Variants in APLP2 observed in about 807,000 individuals in gnomAD.
APLP2 encodes the protein amyloid beta precursor like protein 2, also known as CDEI box-binding protein.
A neutral mutation model predicts 89.9 loss-of-function variants in APLP2; 53 were observed. The ratio of observed to expected loss-of-function variants is 0.59; its 90% CI spans 0.47 to 0.74. The LOEUF (loss-of-function observed/expected upper bound fraction) is 0.74. Among genes scored for constraint, APLP2 ranks in the 30% least tolerant of loss-of-function variants. The pLI, the probability that APLP2 is intolerant of heterozygous loss-of-function variation, is 0.00. For synonymous variants in APLP2, 372 were observed against 348.6 expected (o/e 1.07, Z -0.75); for missense variants, 973 against 975.9 (o/e 1.00, Z 0.04).
At position 130,123,016 on chromosome 11, in the gene APLP2, A is replaced by G. The variant is rs1327001647; in HGVS notation, c.922+503A>G. Among the ~76,000 whole-genome samples the G allele has an allele frequency of 6.6e-6, 1 of 151,538 alleles. No individual in the cohort carries two copies. The highest frequency in any genetic ancestry group is 1.5e-5 in the Non-Finnish European group (1 of 67,926). ...AGTTTTTTTTTTTTCTCATCTTGCC[A>G]ATTAAAACACGAAAAGGTTGCAGTA... On this transcript the variant is annotated intron_variant, in intron 6 of 16. Coordinates refer to ENST00000338167, the MANE Select transcript of APLP2 (RefSeq NM_001142276.2). The surrounding 1 kb of genome is among the most constrained non-coding windows in gnomAD (Gnocchi z 4.0).
At chr11:130,104,583 T>G (rs1274894672) in intron 1 of APLP2, among the ~76,000 whole-genome samples, 1 of 152,138 alleles carries the variant, frequency 6.6e-6, no homozygotes, top group Non-Finnish European at 1.5e-5. Flanking sequence ...TTATACCTTT[T>G]AATGATTTGT....
At chr11:130,070,507 C>T (rs113105831) in intron 1 of APLP2, 56,137 of 1,219,144 alleles carry the variant, frequency 0.046, 1,461 homozygotes, top group Non-Finnish European at 0.052. Flanking sequence ...CCCGTACGCT[C>T]CCTCGCGCGG....
intron 16 of APLP2, 85 bp downstream of exon 16, chr11:130,142,159 C>A: frequency 1.4e-6 from 2 of 1,390,130 alleles, no homozygotes; most frequent in African/African-American, 2.8e-5. Flanking sequence ...GGCATCTTCA[C>A]TCCTCGAGTA....
chr11:130,092,722 A>AGGGGGGGG (rs796802846), intron 1 of APLP2, among the ~76,000 whole-genome samples: 2 of 99,012 alleles, frequency 2.0e-5, no homozygotes, highest in African/African-American at 8.2e-5. Context: ...GGGGAGGGGG[A>AGGGGGGGG]GGGAGAGGGA....
In APLP2 at chr11:130,107,747, G is replaced by A. The variant is rs1028660896; in HGVS notation, c.106-1682G>A. On this transcript the variant is annotated intron_variant, in intron 1 of 16. Coordinates refer to ENST00000338167, the MANE Select transcript of APLP2 (RefSeq NM_001142276.2). ...TTCATATGGAACCAAAAAAGAGCCC[G>A]CGTTGCCAAGTCAATCCTAAGCCAA... is the stretch of plus-strand genomic sequence containing the variant. Among the ~76,000 whole-genome samples the A allele has an allele frequency of 4.4e-4, 67 of 152,270 alleles. 1 individual carries two copies. The highest frequency in any genetic ancestry group is 6.3e-4 in the Non-Finnish European group (43 of 68,026).
Position 130,143,932 on chromosome 11 carries a change from T to G in APLP2, c.*484T>G, listed in dbSNP as rs1444000044. On this transcript the variant is annotated 3_prime_UTR_variant, in exon 17 of 17. Transcript: ENST00000338167. Reference sequence around the variant, plus strand: ...CTTTTTAAATGAGCTTTCAGGAAGTTGCTGAGAAATGGGGTGGAATAGGGA... The same window carrying G: ...CTTTTTAAATGAGCTTTCAGGAAGTGGCTGAGAAATGGGGTGGAATAGGGA... The G allele has an allele frequency of 6.4e-6, 1 of 155,838 alleles. No homozygotes were observed. The highest frequency in any genetic ancestry group is 1.4e-5 in the Non-Finnish European group (1 of 70,500). 9.7% of individuals were successfully genotyped at this position (155,838 alleles called of 1,614,324 possible).
chr11:130,089,267 A>G (rs766995266), intron 1 of APLP2, among the ~76,000 whole-genome samples: 3 of 152,052 alleles, frequency 2.0e-5, no homozygotes, highest in Admixed American at 1.3e-4. Context: ...TCTCCTTTCT[A>G]TACTTCATCT....
At chr11:130,133,209 A>AC (rs1565599008) in intron 11 of APLP2, among the ~76,000 whole-genome samples, 1 of 151,582 alleles carries the variant, frequency 6.6e-6, no homozygotes, top group Non-Finnish European at 1.5e-5. Flanking sequence ...TGTAGCCTAA[A>AC]CCTCCTGGGC....
intron 1 of APLP2, among the ~76,000 whole-genome samples, chr11:130,102,837 C>G (rs1319933816): frequency 6.6e-6 from 1 of 152,128 alleles, no homozygotes; most frequent in African/African-American, 2.4e-5. Flanking sequence ...AAACTGTTCC[C>G]CAAGCCAAAT....
intron 13 of APLP2, among the ~76,000 whole-genome samples, chr11:130,140,085 C>T (rs1461604357): frequency 6.6e-6 from 1 of 152,104 alleles, no homozygotes; most frequent in Non-Finnish European, 1.5e-5. Flanking sequence ...GCTAGGATGC[C>T]CCTCGGCTCC....
chr11:130,115,644 T>C (rs1349090862), intron 3 of APLP2, among the ~76,000 whole-genome samples: 2 of 152,266 alleles, frequency 1.3e-5, no homozygotes, highest in Non-Finnish European at 2.9e-5. Flanking sequence ...AATTATATTA[T>C]ACTCCGCTGA....
intron 1 of APLP2, chr11:130,082,565 G>T: frequency 6.4e-6 from 1 of 156,534 alleles, no homozygotes; most frequent in Non-Finnish European, 1.4e-5. Context: ...AATAAGGAAA[G>T]CACGTTTGAT....
rs112011559 is a variant in APLP2, at chr11:130,134,153, G to A, written c.1684+425G>A. The stretch of plus-strand genomic sequence containing the variant: ...TTATGGCTGCTGCGTGCGTGTCACA[G>A]AGTAAAATGGTCCACGAGCAGATGG... On this transcript the variant is annotated intron_variant, in intron 12 of 16. Transcript: ENST00000338167. 6.2e-3 allele frequency among the ~76,000 whole-genome samples: 951 copies of A among 152,322 alleles called. 7 individuals carry two copies. The highest frequency in any genetic ancestry group is 0.022 in the African/African-American group (919 of 41,558).
At chr11:130,075,244 G>A (rs1243824459) in intron 1 of APLP2, among the ~76,000 whole-genome samples, 2 of 152,110 alleles carry the variant, frequency 1.3e-5, no homozygotes, top group African/African-American at 4.8e-5. Flanking sequence ...CAAACTCCTG[G>A]GCTCAAGTGA....
chr11:130,102,365 G>A (rs1947058430), intron 1 of APLP2, among the ~76,000 whole-genome samples: 1 of 152,156 alleles, frequency 6.6e-6, no homozygotes, highest in African/African-American at 2.4e-5. Context: ...TTCATTCCGC[G>A]TTTATTAGAA....
intron 1 of APLP2, chr11:130,100,455 T>C (rs1392722586): frequency 1.3e-5 from 2 of 152,188 alleles, no homozygotes; most frequent in Non-Finnish European, 2.9e-5. Flanking sequence ...CGTGGTTTTT[T>C]TTTTACATGA....
intron 12 of APLP2, among the ~76,000 whole-genome samples, chr11:130,134,166 C>G (rs1205327306): frequency 2.6e-5 from 4 of 152,138 alleles, no homozygotes; most frequent in African/African-American, 9.7e-5. Flanking sequence ...TAAAATGGTC[C>G]ACGAGCAGAT....
Position 130,129,222 on chromosome 11 carries a change from A to G in APLP2, c.1455+16A>G. ...CCCGCCACGGGTGAGTCCTGCCCCT[A>G]GCACTGCCTGCCCTGAGGTGGTATA... On this transcript the variant is annotated intron_variant, in intron 10 of 16. Coordinates refer to ENST00000338167, the MANE Select transcript of APLP2 (RefSeq NM_001142276.2). 6.2e-7 allele frequency: 1 copy of G among 1,605,836 alleles called. No individual in the cohort carries two copies. Among genetic ancestry groups the G allele is most frequent in the Non-Finnish European group, 8.5e-7 (1 of 1,175,036 alleles).
chr11:130,101,126 T>C (rs1159807783), intron 1 of APLP2, among the ~76,000 whole-genome samples: 1 of 141,944 alleles, frequency 7.0e-6, no homozygotes, highest in Non-Finnish European at 1.5e-5. Flanking sequence ...TAGAATTTAA[T>C]ATGTGTACAA....
Sources: allele counts gnomAD v4.1 joint callset (sites outside exome capture counted in the v4.1 genomes callset), GRCh38; gene constraint gnomAD v4.1.1; non-coding constraint Gnocchi (gnomAD v3.1); transcripts MANE v1.5; gene names NCBI Gene and HGNC (gene_info 2026-07-23, HGNC 2026-07-21).